SLC25A42: variants seen among roughly 807,000 people sequenced by gnomAD.
SLC25A42 encodes solute carrier family 25 member 42, also known as mitochondrial coenzyme A transporter SLC25A42.
Under a neutral mutation model 34.7 loss-of-function variants are expected in SLC25A42, and 19 were observed. That is an observed-to-expected ratio of 0.55 (90% CI 0.38 to 0.80). The LOEUF (loss-of-function observed/expected upper bound fraction) is 0.80. SLC25A42 is among the 30% of genes least tolerant of loss of function. SLC25A42 has a pLI of 0.00. For synonymous variants in SLC25A42, 205 were observed against 191.2 expected (o/e 1.07, Z -0.59); for missense variants, 364 against 441.3 (o/e 0.82, Z 1.57).
At chr19:19,077,771 CA>C (rs1295114559) in intron 1 of SLC25A42, among the ~76,000 whole-genome samples, 1 of 152,134 alleles carries the variant, frequency 6.6e-6, no homozygotes, top group Non-Finnish European at 1.5e-5. Context: ...CCTGTAATCC[CA>C]GCTACTCGGG....
rs2059868345 is a variant in SLC25A42, at chr19:19,111,999, T to C, written c.*1123T>C. 6.6e-6 allele frequency: 1 copy of C among 152,154 alleles called. No individual in the cohort carries two copies. Among genetic ancestry groups the C allele is most frequent in the Non-Finnish European group, 1.5e-5 (1 of 68,032 alleles). 9.4% of individuals were successfully genotyped at this position (152,154 alleles called of 1,614,324 possible). On this transcript the variant is annotated 3_prime_UTR_variant, in exon 8 of 8. Coordinates refer to ENST00000318596, the MANE Select transcript of SLC25A42 (RefSeq NM_178526.5). ...GGGGAACCCCCAGCTAACTGGTCTC[T>C]CAGAGGAGTCCCCCAGGGCCCGCCA...
At chr19:19,089,864 G>A (rs907557518) in intron 1 of SLC25A42, among the ~76,000 whole-genome samples, 16 of 30,008 alleles carry the variant, frequency 5.3e-4, no homozygotes, top group Admixed American at 9.9e-4. Context: ...GCGAGACTCC[G>A]TCTCAAAAAA....
intron 3 of SLC25A42, among the ~76,000 whole-genome samples, chr19:19,102,855 A>T (rs771836628): frequency 6.6e-6 from 1 of 152,142 alleles, no homozygotes; most frequent in Admixed American, 6.5e-5. Context: ...GTGGCCTCAA[A>T]CAACAGGAAT....
rs1276556503 is a variant in SLC25A42 at position 19,081,608 on chromosome 19, G to T, written c.-34-14483G>T. ...GAGGGTGGGGGTCATGGGAACTGGG[G>T]CTTCCTCCCCGAACCCATCCAAGCC... is the stretch of plus-strand genomic sequence containing the variant. On this transcript the variant is annotated intron_variant, in intron 1 of 7. Transcript: ENST00000318596. This position sits in a 1 kb window ranked among gnomAD's most constrained non-coding sequence, Gnocchi z 4.5. Among the ~76,000 whole-genome samples, 3 of 152,050 alleles carry T rather than the reference G, an allele frequency of 2.0e-5. No individual in the cohort carries two copies. The highest frequency in any genetic ancestry group is 4.4e-5 in the Non-Finnish European group (3 of 68,006).
rs144336180 is a variant in SLC25A42 at position 19,102,706 on chromosome 19, C to T, written c.187+820C>T. On this transcript the variant is annotated intron_variant, in intron 3 of 7. Coordinates refer to ENST00000318596, the MANE Select transcript of SLC25A42 (RefSeq NM_178526.5). Reference sequence around the variant, plus strand: ...TTGCAGTCAGCCAAGGTCGCGCCATCGCACTCCAGCCTGGGTGACAGAGAG... The same window carrying T: ...TTGCAGTCAGCCAAGGTCGCGCCATTGCACTCCAGCCTGGGTGACAGAGAG... Among the ~76,000 whole-genome samples the T allele has an allele frequency of 4.2e-3, 644 of 151,910 alleles. 7 individuals carry two copies. The highest frequency in any genetic ancestry group is 0.015 in the African/African-American group (618 of 41,426).
At chr19:19,084,237 C>G (rs1443868981) in intron 1 of SLC25A42, among the ~76,000 whole-genome samples, 1 of 152,218 alleles carries the variant, frequency 6.6e-6, no homozygotes, top group African/African-American at 2.4e-5. Flanking sequence ...CCAGCGTCCA[C>G]CACAGGCCCC....
chr19:19,068,073 T>G (rs2059611266), intron 1 of SLC25A42, among the ~76,000 whole-genome samples: 1 of 152,158 alleles, frequency 6.6e-6, no homozygotes, highest in South Asian at 2.1e-4. Context: ...AAAAGTATAT[T>G]GGCCGGGCAC....
At chr19:19,085,955 G>A (rs1262435900) in intron 1 of SLC25A42, among the ~76,000 whole-genome samples, 1 of 152,176 alleles carries the variant, frequency 6.6e-6, no homozygotes, top group Non-Finnish European at 1.5e-5. Context: ...TCAACACTGA[G>A]CCCCTGGGTG....
chr19:19,095,965 C>A, intron 1 of SLC25A42, 126 bp from the exon 2 acceptor site: 1 of 716,214 alleles, frequency 1.4e-6, no homozygotes, highest in Admixed American at 2.0e-5. Flanking sequence ...ACCGTGGCTG[C>A]GGAATGCAGT....
In SLC25A42 at chr19:19,112,217, T is replaced by G. The variant is rs1047695288; in HGVS notation, c.*1341T>G. ...GTGAGTGTTGCTTTCGACAGCTGGC[T>G]CAGCACACGCTGTGTGAAGGGATCT... On this transcript the variant is annotated 3_prime_UTR_variant, in exon 8 of 8. Coordinates refer to ENST00000318596, the MANE Select transcript of SLC25A42 (RefSeq NM_178526.5). This position sits in a 1 kb window ranked among gnomAD's most constrained non-coding sequence, Gnocchi z 4.3. The G allele has an allele frequency of 2.6e-5, 4 of 152,380 alleles. No homozygotes were observed. The highest frequency in any genetic ancestry group is 4.4e-5 in the Non-Finnish European group (3 of 68,154). 9.4% of individuals were successfully genotyped at this position (152,380 alleles called of 1,614,324 possible).
At chr19:19,107,322 A>AAAC (rs919683993) in intron 6 of SLC25A42, among the ~76,000 whole-genome samples, 3 of 151,258 alleles carry the variant, frequency 2.0e-5, no homozygotes, top group South Asian at 2.1e-4. Flanking sequence ...TCTCCAAAAA[A>AAAC]AAAAAAACAA....
At chr19:19,076,999 C>T (rs2059658599) in intron 1 of SLC25A42, among the ~76,000 whole-genome samples, 1 of 152,102 alleles carries the variant, frequency 6.6e-6, no homozygotes, top group African/African-American at 2.4e-5. Context: ...GCCTGGGCAA[C>T]ATAGTAAGAC....
At position 19,104,347 on chromosome 19, in the gene SLC25A42, G is replaced by A. The variant is rs189240036; in HGVS notation, c.188-566G>A. ...GTGGTGGGTGGTGAGGGGTGAGGGAGGCGGGCTGCCAGACCACGTCAGAGG... is the reference window on the plus strand; with the variant it reads ...GTGGTGGGTGGTGAGGGGTGAGGGAAGCGGGCTGCCAGACCACGTCAGAGG... On this transcript the variant is annotated intron_variant, in intron 3 of 7. Transcript: ENST00000318596. Among the ~76,000 whole-genome samples, 19 of 152,318 alleles carry A rather than the reference G, an allele frequency of 1.2e-4. No individual in the cohort carries two copies. In the East Asian group the frequency reaches 2.7e-3, roughly 22 times the overall value.
chr19:19,105,045 G>A (rs1180511065), intron 4 of SLC25A42, 107 bp downstream of exon 4: 7 of 1,327,632 alleles, frequency 5.3e-6, no homozygotes, highest in Non-Finnish European at 7.5e-6. Flanking sequence ...GTGGGGACAG[G>A]ACTACCTGTC....
chr19:19,109,380 G>A lies in SLC25A42; in HGVS notation c.650-1189G>A, dbSNP rs1370837574. 3.9e-5 allele frequency among the ~76,000 whole-genome samples: 6 copies of A among 152,208 alleles called. No individual in the cohort carries two copies. The East Asian group carries it at 1.2e-3, about 29-fold the overall frequency. ...ACCCCACGTTCTCACCCCACGTGAT[G>A]CCATCAGACCCCTTGTTTTTGCCCA... On this transcript the variant is annotated intron_variant, in intron 7 of 7. Coordinates refer to ENST00000318596, the MANE Select transcript of SLC25A42 (RefSeq NM_178526.5). This position sits in a 1 kb window ranked among gnomAD's most constrained non-coding sequence, Gnocchi z 4.1.
chr19:19,087,327 G>A (rs766886438), intron 1 of SLC25A42, among the ~76,000 whole-genome samples: 6 of 151,770 alleles, frequency 4.0e-5, no homozygotes, highest in African/African-American at 1.2e-4. Flanking sequence ...TCGCTCTGTC[G>A]CCCAGGCTGG....
At chr19:19,078,687 GGGAGACCCAA>G (rs1231667950) in intron 1 of SLC25A42, among the ~76,000 whole-genome samples, 1 of 152,194 alleles carries the variant, frequency 6.6e-6, no homozygotes, top group Non-Finnish European at 1.5e-5. Context: ...CGTAAGAAAA[GGGAGACCCAA>G]GGTCATGAAC....
chr19:19,077,924 C>T (rs1441150314), intron 1 of SLC25A42, among the ~76,000 whole-genome samples: 1 of 152,190 alleles, frequency 6.6e-6, no homozygotes, highest in African/African-American at 2.4e-5. Flanking sequence ...CCTTTTGTGC[C>T]TGGCTTCTGC....
At chr19:19,101,717 G>C in intron 2 of SLC25A42, 64 bp from the exon 3 acceptor site, 1 of 1,456,974 alleles carries the variant, frequency 6.9e-7, no homozygotes, top group East Asian at 2.4e-5. Context: ...GGCACTTCTG[G>C]GGCAAGGTCC....
Sources: allele counts gnomAD v4.1 joint callset (sites outside exome capture counted in the v4.1 genomes callset), GRCh38; gene constraint gnomAD v4.1.1; non-coding constraint Gnocchi (gnomAD v3.1); transcripts MANE v1.5; gene names NCBI Gene and HGNC (gene_info 2026-07-23, HGNC 2026-07-21).